The following ARHGEF2 variants were observed in gnomAD, a reference collection of about 807,000 sequenced individuals.
ARHGEF2 encodes rho guanine nucleotide exchange factor 2.
In ARHGEF2, 22 loss-of-function variants were observed where a neutral mutation model predicts 121.0. The observed-to-expected ratio is 0.18, with a 90% CI of 0.13 to 0.26. The LOEUF is 0.26. Among genes scored for constraint, ARHGEF2 ranks in the 10% least tolerant of loss-of-function variants. The probability of loss-of-function intolerance (pLI) is 1.00; values close to 1 mark genes in which losing one functional copy is unlikely to be tolerated. For missense variants in ARHGEF2, 907 were observed against 1,336.0 expected (o/e 0.68, Z 5.01); for synonymous variants, 487 against 530.0 (o/e 0.92, Z 1.11).
rs1680616662 is a variant in ARHGEF2 at position 155,972,288 on chromosome 1, C to T, written c.64-2988G>A. The T allele has an allele frequency of 8.6e-6, 4 of 464,150 alleles. 1 individual carries two copies. The highest frequency in any genetic ancestry group is 2.3e-5 in the Admixed American group (1 of 42,562). 28.8% of individuals were successfully genotyped at this position (464,150 alleles called of 1,614,324 possible). A position where few individuals can be genotyped will look rare whatever the true frequency, so the allele number is the denominator to read the frequency against. The stretch of plus-strand genomic sequence containing the variant: ...GAAGTGACCCCTGCTCTAGGTGGGC[C>T]AGCAGCGGGCAGCAGCCACAGCAGC... On this transcript the variant is annotated intron_variant, in intron 1 of 21. Transcript: ENST00000361247.
chr1:155,978,421 G>T lies in ARHGEF2; in HGVS notation c.7C>A (p.Arg3=). 6.6e-7 allele frequency: 1 copy of T among 1,507,750 alleles called. No homozygotes were observed. The highest frequency in any genetic ancestry group is 9.0e-7 in the Non-Finnish European group (1 of 1,116,734). 93.4% of individuals were successfully genotyped at this position (1,507,750 alleles called of 1,614,324 possible). The change falls in exon 1 of 22, where the codon CGG becomes AGG. Residue 3 remains arginine (R), a synonymous_variant. Transcript: ENST00000361247. This position sits in a 1 kb window ranked among gnomAD's most constrained non-coding sequence, Gnocchi z 4.1. ...CGCGCCCGCGTGAGGGATTCGATCC[G>T]AGACATAATCGGACGGGGGGACCAG... MS[R]IESLTRARID... is the part of the protein sequence containing the mutation.
In ARHGEF2 at chr1:155,961,570, C is replaced by A; in HGVS notation, c.1468+91G>T. On this transcript the variant is annotated intron_variant, in intron 11 of 21. Transcript: ENST00000361247. The surrounding 1 kb of genome is among the most constrained non-coding windows in gnomAD (Gnocchi z 4.7). Reference sequence around the variant, plus strand: ...ATTACAGGCGTTGAGCCACTGCACCCGGCCAAGAGAGGTTGATTCTAAGAC... The same window carrying A: ...ATTACAGGCGTTGAGCCACTGCACCAGGCCAAGAGAGGTTGATTCTAAGAC... The A allele has an allele frequency of 6.5e-7, 1 of 1,529,438 alleles. No homozygotes were observed. The highest frequency in any genetic ancestry group is 1.2e-5 in the South Asian group (1 of 80,746). 94.7% of individuals were successfully genotyped at this position (1,529,438 alleles called of 1,614,324 possible). A position where few individuals can be genotyped will look rare whatever the true frequency, so the allele number is the denominator to read the frequency against.
rs1040397034 is a variant in ARHGEF2 at position 155,950,787 on chromosome 1, T to A, written c.2703+42A>T. ...ATTTCTTTCGGGCTCCATGGACCCT[T>A]ATGTCCACCCCAGGTCCATTCACCA... On this transcript the variant is annotated intron_variant, in intron 20 of 21. Coordinates refer to ENST00000361247, the MANE Select transcript of ARHGEF2 (RefSeq NM_001162383.2). The surrounding 1 kb of genome is among the most constrained non-coding windows in gnomAD (Gnocchi z 5.2). The A allele has an allele frequency of 1.3e-6, 2 of 1,502,558 alleles. No homozygotes were observed. The highest frequency in any genetic ancestry group is 4.6e-5 in the Admixed American group (2 of 43,930). The allele number at this position is 1,502,558 out of a possible 1,614,324, so 93.1% of individuals were successfully genotyped here.
Position 155,978,138 on chromosome 1 carries a change from G to T in ARHGEF2, c.63+227C>A. 7.8e-7 allele frequency: 1 copy of T among 1,281,598 alleles called. No homozygotes were observed. The highest frequency in any genetic ancestry group is 9.9e-7 in the Non-Finnish European group (1 of 1,008,064). 79.4% of individuals were successfully genotyped at this position (1,281,598 alleles called of 1,614,324 possible). ...CTTGGAGGCGACCAAGCCCAGGTCC[G>T]CTCCGCTCCCTCCCGGGATCCCAGC... On this transcript the variant is annotated intron_variant, in intron 1 of 21. Coordinates refer to ENST00000361247, the MANE Select transcript of ARHGEF2 (RefSeq NM_001162383.2). The surrounding 1 kb of genome is among the most constrained non-coding windows in gnomAD (Gnocchi z 4.1).
At chr1:155,978,723 G>A, upstream of ARHGEF2, 5 of 803,022 alleles carry the variant, frequency 6.2e-6, no homozygotes, top group Non-Finnish European at 8.1e-6. The surrounding 1 kb of genome is among the most constrained non-coding windows in gnomAD (Gnocchi z 4.1). Flanking sequence ...AGGTTTGAGA[G>A]GCCCCTCTGC....
Position 155,957,790 on chromosome 1 carries a change from A to C in ARHGEF2, c.1638T>G (p.Pro546=). 5.0e-6 allele frequency: 8 copies of C among 1,614,198 alleles called. No homozygotes were observed. The highest frequency in any genetic ancestry group is 6.8e-6 in the Non-Finnish European group (8 of 1,180,036). Residue 546 remains proline, a synonymous_variant, in exon 13 of 22, where the codon CCT becomes CCG. Coordinates refer to ENST00000361247, the MANE Select transcript of ARHGEF2 (RefSeq NM_001162383.2). ...KGMFLISAAP[P]EMYEVHTASR... ...ATGCTGTGTGCACCTCGTACATCTC[A>C]GGTGGGGCTGCGCTGATCAGAAACA...
In ARHGEF2 at chr1:155,961,151, A is replaced by AG. The variant is rs757270822; in HGVS notation, c.1468+509dup. ...ACCAAAGAAATTATAAAATACTGAT[A>AG]GGGAAGGCCCTGTATGGTCCATAAA... On this transcript the variant is annotated intron_variant, in intron 11 of 21. Coordinates refer to ENST00000361247, the MANE Select transcript of ARHGEF2 (RefSeq NM_001162383.2). This position sits in a 1 kb window ranked among gnomAD's most constrained non-coding sequence, Gnocchi z 4.7. Among the ~76,000 whole-genome samples, 1 of 152,138 alleles carries AG rather than the reference A, an allele frequency of 6.6e-6. No individual in the cohort carries two copies. The highest frequency in any genetic ancestry group is 1.5e-5 in the Non-Finnish European group (1 of 68,018).
Position 155,952,776 on chromosome 1 carries a change from G to A in ARHGEF2, c.1836C>T (p.Val612=), listed in dbSNP as rs142129169. ...RALVELLREK[V]GLFAEMTHFQ... ...AATGGGTCATCTCAGCAAACAGCCC[G>A]ACCTTCTCTCGCAGCAGCTCCACCA... Residue 612 remains valine, a synonymous_variant, in exon 15 of 22, where the codon GTC becomes GTT. Transcript: ENST00000361247. 286 of 1,614,154 alleles carry A rather than the reference G, an allele frequency of 1.8e-4. No individual in the cohort carries two copies. Among genetic ancestry groups the A allele is most frequent in the East Asian group, 1.7e-3 (78 of 44,878 alleles).
chr1:155,967,088 G>A (rs925827814), intron 2 of ARHGEF2, among the ~76,000 whole-genome samples: 1 of 152,066 alleles, frequency 6.6e-6, no homozygotes, highest in African/African-American at 2.4e-5. Flanking sequence ...AGTGAGGGGG[G>A]TATAGGTGCT....
Position 155,947,427 on chromosome 1 carries a change from G to C in ARHGEF2, c.*515C>G. ...ACAGCAGTAAGAGGTTGAGGGGAGA[G>C]GAGAAAGGGACATGGCCCTGCCCAC... is the stretch of plus-strand genomic sequence containing the variant. On this transcript the variant is annotated 3_prime_UTR_variant, in exon 22 of 22. Coordinates refer to ENST00000361247, the MANE Select transcript of ARHGEF2 (RefSeq NM_001162383.2). 1 of 456,652 alleles carries C rather than the reference G, an allele frequency of 2.2e-6. No individual in the cohort carries two copies. The highest frequency in any genetic ancestry group is 4.4e-6 in the Non-Finnish European group (1 of 226,836). The allele number at this position is 456,652 out of a possible 1,614,324, so 28.3% of individuals were successfully genotyped here.
chr1:155,973,307 T>C (rs1227532831), intron 1 of ARHGEF2, among the ~76,000 whole-genome samples: 2 of 152,168 alleles, frequency 1.3e-5, no homozygotes, highest in Non-Finnish European at 2.9e-5. Context: ...CTTGTTTCTC[T>C]TTTCTCCCTC....
chr1:155,958,238 G>T, intron 12 of ARHGEF2, 82 bp downstream of exon 12: 1 of 1,126,942 alleles, frequency 8.9e-7, no homozygotes, highest in South Asian at 1.3e-5. Context: ...GGACTCCAGA[G>T]CTCTCGTGGG....
At chr1:155,964,177 TATATATATATATATATATATAC>T (rs1421341823) in intron 7 of ARHGEF2, among the ~76,000 whole-genome samples, 90 of 82,804 alleles carry the variant, frequency 1.1e-3, no homozygotes, top group African/African-American at 5.4e-3. Flanking sequence ...AATATATATA[TATATATATATATATATATATAC>T]ATATATATAT....
In ARHGEF2 at chr1:155,957,695, C is replaced by T. The variant is rs370733921; in HGVS notation, c.1715+18G>A. On this transcript the variant is annotated intron_variant, in intron 13 of 21. Transcript: ENST00000361247. Reference sequence around the variant, plus strand: ...CCCTGAGGTCATAAGCACATGCAGGCGGCAGGCAGACACTCACGTGCGCAC... The same window carrying T: ...CCCTGAGGTCATAAGCACATGCAGGTGGCAGGCAGACACTCACGTGCGCAC... 2.9e-5 allele frequency: 46 copies of T among 1,596,186 alleles called. No individual in the cohort carries two copies. Among genetic ancestry groups the T allele is most frequent in the East Asian group, 1.3e-4 (6 of 44,528 alleles).
chr1:155,960,321 G>A (rs774901032), intron 11 of ARHGEF2, among the ~76,000 whole-genome samples: 12 of 152,020 alleles, frequency 7.9e-5, no homozygotes, highest in Non-Finnish European at 1.3e-4. Context: ...ATTTAAAAAT[G>A]TGCTGGGTGT....
chr1:155,971,353 G>A (rs1344059403), intron 1 of ARHGEF2, among the ~76,000 whole-genome samples: 1 of 151,854 alleles, frequency 6.6e-6, no homozygotes, highest in Non-Finnish European at 1.5e-5. Flanking sequence ...CGAGGCGGGT[G>A]GATTACCTGA....
At chr1:155,978,663 C>T, upstream of ARHGEF2, 1 of 1,126,282 alleles carries the variant, frequency 8.9e-7, no homozygotes. The surrounding 1 kb of genome is among the most constrained non-coding windows in gnomAD (Gnocchi z 4.1). Context: ...CAGGACGGGA[C>T]GCCAGGGTTT....
rs541891576 is a variant in ARHGEF2, at chr1:155,967,288, G to A, written c.209-401C>T. Among the ~76,000 whole-genome samples the A allele has an allele frequency of 7.2e-5, 11 of 152,244 alleles. No homozygotes were observed. In the East Asian group the frequency reaches 2.1e-3, roughly 29 times the overall value. Reference sequence around the variant, plus strand: ...ATGGCACAGAGGCAGCCAGAATGGGGGCTAGGGGCAGAGGGGAAATTTACA... The same window carrying A: ...ATGGCACAGAGGCAGCCAGAATGGGAGCTAGGGGCAGAGGGGAAATTTACA... On this transcript the variant is annotated intron_variant, in intron 2 of 21. Transcript: ENST00000361247.
intron 2 of ARHGEF2, chr1:155,968,398 C>T (rs1679856898): frequency 6.6e-6 from 1 of 152,090 alleles, no homozygotes; most frequent in African/African-American, 2.4e-5. Flanking sequence ...TACCTTCAAT[C>T]CTGCTCTAAT....
Sources: allele counts gnomAD v4.1 joint callset (sites outside exome capture counted in the v4.1 genomes callset), GRCh38; gene constraint gnomAD v4.1.1; non-coding constraint Gnocchi (gnomAD v3.1); transcripts MANE v1.5; gene names NCBI Gene and HGNC (gene_info 2026-07-23, HGNC 2026-07-21).